The following CFAP92 variants were observed in gnomAD, a reference collection of about 807,000 sequenced individuals.
CFAP92 encodes cilia and flagella associated protein 92 (putative), also known as uncharacterized protein CFAP92.
A neutral mutation model predicts 106.3 loss-of-function variants in CFAP92; 86 were observed. That is an observed-to-expected ratio of 0.81 (90% CI 0.68 to 0.97). CFAP92 has a LOEUF of 0.97. CFAP92 is among the 50% of genes least tolerant of loss of function. The probability of loss-of-function intolerance (pLI) is 0.00; values close to 1 mark genes in which losing one functional copy is unlikely to be tolerated. For missense variants in CFAP92, 1,204 were observed against 1,283.8 expected (o/e 0.94, Z 0.95); for synonymous variants, 477 against 506.4 (o/e 0.94, Z 0.78).
chr3:128,946,067 A>G, intron 9 of CFAP92, 92 bp from the exon 10 acceptor site: 4 of 907,942 alleles, frequency 4.4e-6, no homozygotes, highest in Non-Finnish European at 6.2e-6. Flanking sequence ...TGCCAGGCTC[A>G]TTGCCTGTCC....
intron 9 of CFAP92, among the ~76,000 whole-genome samples, chr3:128,958,039 A>G (rs1276231607): frequency 5.3e-5 from 8 of 152,074 alleles, no homozygotes; most frequent in African/African-American, 1.4e-4. Context: ...GTCACTTTGC[A>G]TAGTCTTCCC....
intron 12 of CFAP92, among the ~76,000 whole-genome samples, chr3:128,931,981 G>A (rs1938447506): frequency 6.6e-6 from 1 of 152,178 alleles, no homozygotes; most frequent in Admixed American, 6.5e-5. Context: ...TCAAGTCATA[G>A]TACTCTAGCC....
chr3:128,967,590 A>G (rs1205690271), intron 8 of CFAP92: 1 of 151,990 alleles, frequency 6.6e-6, no homozygotes, highest in African/African-American at 2.4e-5. Context: ...ATTCCCAACT[A>G]CTCAGGAAGG....
chr3:128,974,756 G>A (rs1374928745), intron 7 of CFAP92, among the ~76,000 whole-genome samples: 1 of 152,106 alleles, frequency 6.6e-6, no homozygotes, highest in Non-Finnish European at 1.5e-5. Context: ...AAGAGGCAGA[G>A]GTTGCAGTGA....
At chr3:128,941,565 C>T (rs1939635349) in intron 10 of CFAP92, among the ~76,000 whole-genome samples, 1 of 152,190 alleles carries the variant, frequency 6.6e-6, no homozygotes, top group Non-Finnish European at 1.5e-5. Flanking sequence ...CAATCTCTGC[C>T]TCCTGGGTTC....
At chr3:128,930,749 A>C (rs557667850) in intron 12 of CFAP92, among the ~76,000 whole-genome samples, 1 of 152,254 alleles carries the variant, frequency 6.6e-6, no homozygotes, top group South Asian at 2.1e-4. Context: ...AGACTGTCTC[A>C]AAAATAAAAA....
intron 3 of CFAP92, 131 bp downstream of exon 3, chr3:128,988,597 G>T: frequency 1.1e-6 from 1 of 880,078 alleles, no homozygotes; most frequent in Non-Finnish European, 1.7e-6. Context: ...TTCCCACTCA[G>T]GAGGTGGGGC....
rs1230569487 is a variant in CFAP92 at position 128,988,653 on chromosome 3, C to T, written c.453+75G>A. On this transcript the variant is annotated intron_variant, in intron 3 of 15. Coordinates refer to ENST00000645291, the MANE Select transcript of CFAP92 (RefSeq NM_001394090.1). ...CAAGCTGGAGGTGGAGCTGATGTTG[C>T]ATATCCATGGAGCAGCACACTTTTC... 3 of 1,450,890 alleles carry T rather than the reference C, an allele frequency of 2.1e-6. No homozygotes were observed. In the East Asian group the frequency reaches 6.8e-5, roughly 33 times the overall value. The allele number at this position is 1,450,890 out of a possible 1,614,324, so 89.9% of individuals were successfully genotyped here. A position where few individuals can be genotyped will look rare whatever the true frequency, so the allele number is the denominator to read the frequency against.
chr3:128,913,985 A>G (rs1192908882), intron 15 of CFAP92, among the ~76,000 whole-genome samples: 1 of 152,164 alleles, frequency 6.6e-6, no homozygotes, highest in African/African-American at 2.4e-5. Context: ...TCAGTCTTAC[A>G]TGCCAATGGA....
intron 9 of CFAP92, among the ~76,000 whole-genome samples, chr3:128,947,885 T>C (rs1032358754): frequency 6.6e-6 from 1 of 152,036 alleles, no homozygotes; most frequent in Non-Finnish European, 1.5e-5. Flanking sequence ...ATAAAACTAT[T>C]AAAGCATTGA....
Position 128,910,071 on chromosome 3 carries a change from C to G in CFAP92, c.*228G>C, listed in dbSNP as rs202183844. On this transcript the variant is annotated 3_prime_UTR_variant, in exon 16 of 16. Transcript: ENST00000645291. ...TGAAGCGGGTGGCCAACATCCTCAT[C>G]AACCTGTATGGCATGACGGCCGTGC... The G allele has an allele frequency of 6.2e-7, 1 of 1,614,056 alleles. No homozygotes were observed. The highest frequency in any genetic ancestry group is 2.2e-5 in the East Asian group (1 of 44,884).
At chr3:128,987,566 A>G in intron 4 of CFAP92, 50 bp downstream of exon 4, 1 of 1,498,844 alleles carries the variant, frequency 6.7e-7, no homozygotes, top group Non-Finnish European at 9.3e-7. Flanking sequence ...TGCTGTTACT[A>G]GTGAGTAAGC....
intron 15 of CFAP92, chr3:128,910,746 C>T: frequency 1.9e-6 from 3 of 1,614,238 alleles, no homozygotes; most frequent in Middle Eastern, 1.6e-4. Flanking sequence ...GGCAGGTTCT[C>T]TTGGCCAACA....
Position 128,933,002 on chromosome 3 carries a change from A to T in CFAP92, c.2454-5T>A. The stretch of plus-strand genomic sequence containing the variant: ...TTATAGCAGATGTCGTGGATCCTGG[A>T]ACAAAGAACCACTGCCCCACTGAAC... On this transcript the variant is annotated splice_polypyrimidine_tract_variant and splice_region_variant and intron_variant, in intron 11 of 15. Transcript: ENST00000645291. 1 of 1,535,984 alleles carries T rather than the reference A, an allele frequency of 6.5e-7. No individual in the cohort carries two copies. The highest frequency in any genetic ancestry group is 8.7e-7 in the Non-Finnish European group (1 of 1,146,830).
In CFAP92 at chr3:128,945,407, G is replaced by A; in HGVS notation, c.1922C>T (p.Pro641Leu). 6.5e-7 allele frequency: 1 copy of A among 1,536,136 alleles called. No individual in the cohort carries two copies. Among genetic ancestry groups the A allele is most frequent in the Non-Finnish European group, 8.7e-7 (1 of 1,146,908 alleles). ...QLKLRVDIAV[P>L]LRAGARAADP... ...AGCAGCTCTGGCCCCGGCCCTCAGT[G>A]GCACCGCGATGTCCACTCGCAACTT... is the stretch of plus-strand genomic sequence containing the variant. Residue 641 changes from proline (P) to leucine (L), a missense_variant, in exon 10 of 16, where the codon CCA becomes CTA. By Grantham distance (98) the Pro-to-Leu change is moderately conservative. Coordinates refer to ENST00000645291, the MANE Select transcript of CFAP92 (RefSeq NM_001394090.1).
At chr3:129,015,103 G>A in the CFAP92 span, among the ~76,000 whole-genome samples, 1 of 152,086 alleles carries the variant, frequency 6.6e-6, no homozygotes, top group Non-Finnish European at 1.5e-5. Flanking sequence ...CCTCGGGCTC[G>A]CCCACTCACA....
chr3:128,951,508 TAAAA>T (rs943177663), intron 9 of CFAP92, among the ~76,000 whole-genome samples: 3 of 148,096 alleles, frequency 2.0e-5, no homozygotes, highest in South Asian at 4.3e-4. Context: ...GTTGTATATA[TAAAA>T]AAAAAATACA....
Position 128,921,910 on chromosome 3 carries a change from C to G in CFAP92, c.2752-5639G>C, listed in dbSNP as rs564666226. ...CAATTCCCATCTCCTTCCTGGGGAG[C>G]CACCAAAGAAGGTCCCCACGGGTGT... On this transcript the variant is annotated intron_variant, in intron 12 of 15. Transcript: ENST00000645291. 3.9e-5 allele frequency among the ~76,000 whole-genome samples: 6 copies of G among 152,270 alleles called. No individual in the cohort carries two copies. The South Asian group carries it at 1.2e-3, about 32-fold the overall frequency.
intron 4 of CFAP92, among the ~76,000 whole-genome samples, chr3:128,982,316 A>G (rs912493821): frequency 2.6e-5 from 4 of 152,188 alleles, no homozygotes; most frequent in Non-Finnish European, 5.9e-5. Flanking sequence ...TAAACCTCAT[A>G]AACCAATCTC....
Sources: allele counts gnomAD v4.1 joint callset (sites outside exome capture counted in the v4.1 genomes callset), GRCh38; gene constraint gnomAD v4.1.1; transcripts MANE v1.5; gene names NCBI Gene and HGNC (gene_info 2026-07-23, HGNC 2026-07-21).